Variants in CCDC191 observed in about 807,000 individuals in gnomAD.
CCDC191 encodes the protein coiled-coil domain containing 191.
CCDC191 carries 99 observed loss-of-function variants against 114.0 expected under a neutral mutation model. The ratio of observed to expected loss-of-function variants is 0.87; its 90% CI spans 0.74 to 1.03. CCDC191 has a LOEUF of 1.03. Ranked by LOEUF, CCDC191 falls within the 50% of genes least tolerant of loss-of-function variation. CCDC191 has a pLI of 0.00. For synonymous variants in CCDC191, 351 were observed against 376.0 expected (o/e 0.93, Z 0.77); for missense variants, 973 against 1,087.0 (o/e 0.90, Z 1.47).
intron 13 of CCDC191, among the ~76,000 whole-genome samples, chr3:113,999,873 T>C (rs983966100): frequency 4.6e-5 from 7 of 152,232 alleles, no homozygotes; most frequent in African/African-American, 1.7e-4. Flanking sequence ...ATTTAAGTTA[T>C]GGGATATCAT....
intron 13 of CCDC191, 73 bp downstream of exon 13, chr3:114,001,522 A>C (rs1031510542): frequency 1.9e-6 from 3 of 1,556,342 alleles, no homozygotes; most frequent in Non-Finnish European, 2.6e-6. Context: ...GGGTTAAAGA[A>C]GGTGGATAGG....
chr3:114,015,565 G>T (rs771005571), intron 8 of CCDC191, among the ~76,000 whole-genome samples: 1 of 152,132 alleles, frequency 6.6e-6, no homozygotes. Context: ...CAGACAGAAA[G>T]GGGGAGAGGA....
chr3:113,987,826 G>A (rs1188506607), intron 13 of CCDC191, among the ~76,000 whole-genome samples: 6 of 151,990 alleles, frequency 3.9e-5, no homozygotes, highest in Admixed American at 3.3e-4. Context: ...GGTGGATCAC[G>A]AGGTCAGGAA....
intron 7 of CCDC191, among the ~76,000 whole-genome samples, chr3:114,019,329 C>G (rs2076211267): frequency 1.3e-5 from 2 of 152,168 alleles, no homozygotes; most frequent in South Asian, 4.2e-4. Context: ...GATGGAGTCT[C>G]TGGTCCCTGA....
chr3:113,980,834 G>A (rs933549560), intron 13 of CCDC191, 41 bp from the exon 14 acceptor site: 20 of 1,546,202 alleles, frequency 1.3e-5, no homozygotes, highest in Middle Eastern at 3.4e-4. Flanking sequence ...ATCAAAAAAC[G>A]AATGAGTTTC....
intron 13 of CCDC191, among the ~76,000 whole-genome samples, chr3:113,999,705 T>C (rs1484759543): frequency 1.3e-5 from 2 of 152,294 alleles, no homozygotes; most frequent in African/African-American, 2.4e-5. Context: ...ATGTAACCAG[T>C]TGTAGAAACA....
chr3:114,055,087 A>G (rs2076750817), intron 1 of CCDC191, among the ~76,000 whole-genome samples: 2 of 152,020 alleles, frequency 1.3e-5, no homozygotes, highest in African/African-American at 4.8e-5. Context: ...AAAATATAAT[A>G]CTCTTTCACT....
chr3:114,039,546 CT>C (rs2076532883), intron 4 of CCDC191: 2 of 152,148 alleles, frequency 1.3e-5, no homozygotes, highest in Admixed American at 6.5e-5. Flanking sequence ...CCAGGCAGGT[CT>C]TTTGGGCGTA....
intron 10 of CCDC191, 143 bp downstream of exon 10, chr3:114,005,365 T>A (rs1577397509): frequency 1.4e-6 from 1 of 740,026 alleles, no homozygotes; most frequent in African/African-American, 1.8e-5. Flanking sequence ...ATACTAGTCA[T>A]AACTAGGCTT....
At chr3:114,014,253 A>G (rs1003634367) in intron 8 of CCDC191, among the ~76,000 whole-genome samples, 6 of 152,224 alleles carry the variant, frequency 3.9e-5, no homozygotes, top group Non-Finnish European at 7.3e-5. Context: ...CCCCAGGGAC[A>G]AAATGGAAGA....
chr3:114,036,552 G>T, intron 5 of CCDC191, 56 bp downstream of exon 5: 1 of 1,261,274 alleles, frequency 7.9e-7, no homozygotes, highest in Non-Finnish European at 1.1e-6. Flanking sequence ...CTTATTAAAT[G>T]TGTTACACAA....
intron 13 of CCDC191, among the ~76,000 whole-genome samples, chr3:113,996,813 T>C (rs1343775857): frequency 1.3e-5 from 2 of 148,334 alleles, no homozygotes; most frequent in Non-Finnish European, 1.5e-5. Flanking sequence ...TAAGTGGGAG[T>C]TGAACAATGA....
In CCDC191 at chr3:113,967,419, CTCTT is replaced by C. The variant is rs1284583800; in HGVS notation, c.2607-2064_2607-2061del. On this transcript the variant is annotated intron_variant, in intron 16 of 16. Transcript: ENST00000295878. ...CATTTCTCTTTCTTTCCCTACATTT[CTCTT>C]TCTTTCCCTGAACTCCTAAAACATA... Among the ~76,000 whole-genome samples, 9 of 152,246 alleles carry C rather than the reference CTCTT, an allele frequency of 5.9e-5. No individual in the cohort carries two copies. In the South Asian group the frequency reaches 1.0e-3, roughly 18 times the overall value.
At chr3:113,975,374 A>AT (rs1418083655) in intron 16 of CCDC191, among the ~76,000 whole-genome samples, 10 of 152,224 alleles carry the variant, frequency 6.6e-5, no homozygotes, top group African/African-American at 2.4e-4. Flanking sequence ...GTATTATTTC[A>AT]TTCATATAAA....
chr3:114,018,677 C>A lies in CCDC191; in HGVS notation c.1163+1G>T. The stretch of plus-strand genomic sequence containing the variant: ...GATTTTCACAATACAAATAATGATA[C>A]CTGTTTTCTTCCCTAAGATCATTTT... On this transcript the variant is annotated splice_donor_variant, in intron 8 of 16. Coordinates refer to ENST00000295878, the MANE Select transcript of CCDC191 (RefSeq NM_020817.2). LOFTEE classifies it high-confidence loss of function. The A allele has an allele frequency of 1.2e-6, 2 of 1,605,372 alleles. No homozygotes were observed. The highest frequency in any genetic ancestry group is 1.7e-6 in the Non-Finnish European group (2 of 1,175,238).
At chr3:113,988,862 C>T (rs948040451) in intron 13 of CCDC191, among the ~76,000 whole-genome samples, 2 of 152,050 alleles carry the variant, frequency 1.3e-5, no homozygotes, top group African/African-American at 2.4e-5. Context: ...AGCTCAATCT[C>T]GGCTCACTGC....
chr3:113,978,744 C>CTCTT (rs1559875953), intron 15 of CCDC191, 114 bp downstream of exon 15: 1 of 1,129,928 alleles, frequency 8.9e-7, no homozygotes, highest in Non-Finnish European at 1.3e-6. Context: ...GGATTGACTA[C>CTCTT]TCTTTTGTTC....
intron 16 of CCDC191, among the ~76,000 whole-genome samples, chr3:113,970,910 T>C (rs1413066108): frequency 6.6e-6 from 1 of 152,240 alleles, no homozygotes. Flanking sequence ...TCATTTTTTA[T>C]GGCTGCTTAG....
At chr3:114,004,000 G>A (rs941709881) in intron 11 of CCDC191, 1 of 984,974 alleles carries the variant, frequency 1.0e-6, no homozygotes, top group African/African-American at 1.7e-5. Flanking sequence ...CAGGTGCAGT[G>A]GTTCATGCCT....
Sources: allele counts gnomAD v4.1 joint callset (sites outside exome capture counted in the v4.1 genomes callset), GRCh38; gene constraint gnomAD v4.1.1; transcripts MANE v1.5; gene names NCBI Gene and HGNC (gene_info 2026-07-23, HGNC 2026-07-21).